The following DLGAP1 variants were observed in gnomAD, a reference collection of about 807,000 sequenced individuals.
DLGAP1 encodes the protein DLG associated protein 1, also known as disks large-associated protein 1.
Under a neutral mutation model 90.8 loss-of-function variants are expected in DLGAP1, and 11 were observed. The observed-to-expected ratio is 0.12, with a 90% CI of 0.08 to 0.20. The LOEUF (loss-of-function observed/expected upper bound fraction) is 0.20, where lower values mean the gene tolerates loss of function less well. DLGAP1 is among the 10% of genes least tolerant of loss of function. The pLI is 1.00. For missense variants in DLGAP1, 1,050 were observed against 1,333.8 expected (o/e 0.79, Z 3.31); for synonymous variants, 558 against 540.7 (o/e 1.03, Z -0.44).
At chr18:3,575,104 A>T (rs75383718) in intron 8 of DLGAP1, among the ~76,000 whole-genome samples, 1 of 152,122 alleles carries the variant, frequency 6.6e-6, no homozygotes, top group Non-Finnish European at 1.5e-5. Flanking sequence ...GTGAGCCACC[A>T]TGCATGGGCC....
intron 1 of DLGAP1, among the ~76,000 whole-genome samples, chr18:4,253,062 C>T (rs117305104): frequency 9.2e-4 from 140 of 152,288 alleles, no homozygotes; most frequent in African/African-American, 2.7e-3. Flanking sequence ...CTGCAGTATG[C>T]GGTGTTACGT....
intron 7 of DLGAP1, among the ~76,000 whole-genome samples, chr18:3,627,785 C>A (rs1347363323): frequency 6.6e-6 from 1 of 152,026 alleles, no homozygotes; most frequent in African/African-American, 2.4e-5. Flanking sequence ...CTTAACCTCC[C>A]AAGTAGCTGG....
At chr18:4,311,692 C>A (rs1375938161) in intron 1 of DLGAP1, among the ~76,000 whole-genome samples, 1 of 152,040 alleles carries the variant, frequency 6.6e-6, no homozygotes, top group Non-Finnish European at 1.5e-5. Flanking sequence ...TAGATATGTG[C>A]TCCTCTAGAT....
intron 2 of DLGAP1, among the ~76,000 whole-genome samples, chr18:4,108,422 T>G (rs1186387155): frequency 6.6e-6 from 1 of 152,158 alleles, no homozygotes; most frequent in Non-Finnish European, 1.5e-5. Flanking sequence ...TTATATTAAA[T>G]AAGTCTGTAT....
At chr18:4,245,579 C>T (rs1213074875) in intron 1 of DLGAP1, among the ~76,000 whole-genome samples, 1 of 152,160 alleles carries the variant, frequency 6.6e-6, no homozygotes, top group Non-Finnish European at 1.5e-5. Context: ...CCTAGACTTT[C>T]AAATGAGCAG....
rs2049764743 is a variant in DLGAP1 at position 3,498,406 on chromosome 18, C to T, written c.*779G>A. 6.6e-6 allele frequency: 1 copy of T among 152,226 alleles called. No individual in the cohort carries two copies. Among genetic ancestry groups the T allele is most frequent in the African/African-American group, 2.4e-5 (1 of 41,454 alleles). The allele number at this position is 152,226 out of a possible 1,614,324, so 9.4% of individuals were successfully genotyped here. A position where few individuals can be genotyped will look rare whatever the true frequency, so the allele number is the denominator to read the frequency against. On this transcript the variant is annotated 3_prime_UTR_variant, in exon 13 of 13. Transcript: ENST00000315677. ...CATCAGTGCCTCCTTTGCCTTGCTT[C>T]ATGTTATTGCCTTTCAGAATAGATT...
chr18:3,907,098 G>A (rs547625527), intron 3 of DLGAP1, among the ~76,000 whole-genome samples: 7 of 152,112 alleles, frequency 4.6e-5, no homozygotes, highest in Non-Finnish European at 8.8e-5. Context: ...AATACTATAC[G>A]ATTTTATATT....
At chr18:4,389,123 G>A (rs528474809) in intron 1 of DLGAP1, among the ~76,000 whole-genome samples, 6 of 152,098 alleles carry the variant, frequency 3.9e-5, no homozygotes, top group Non-Finnish European at 8.8e-5. Flanking sequence ...GATCATTGAT[G>A]GATGAATGGA....
rs989286904 is a variant in DLGAP1, at chr18:3,526,787, A to T, written c.2479+7407T>A. 1.3e-5 allele frequency among the ~76,000 whole-genome samples: 2 copies of T among 152,210 alleles called. No individual in the cohort carries two copies. Among genetic ancestry groups the T allele is most frequent in the Admixed American group, 1.3e-4 (2 of 15,278 alleles). On this transcript the variant is annotated intron_variant, in intron 10 of 12. Coordinates refer to ENST00000315677, the MANE Select transcript of DLGAP1 (RefSeq NM_004746.4). The surrounding 1 kb of genome is among the most constrained non-coding windows in gnomAD (Gnocchi z 4.7). Reference sequence around the variant, plus strand: ...TCCCCGGTTAGATAATACCAGACGTATCTATGTAACATACAAGCCACTGTC... The same window carrying T: ...TCCCCGGTTAGATAATACCAGACGTTTCTATGTAACATACAAGCCACTGTC...
In DLGAP1 at chr18:3,499,114, G is replaced by T; in HGVS notation, c.*71C>A. 1 of 1,362,886 alleles carries T rather than the reference G, an allele frequency of 7.3e-7. No individual in the cohort carries two copies. Among genetic ancestry groups the T allele is most frequent in the Non-Finnish European group, 9.7e-7 (1 of 1,033,334 alleles). The allele number at this position is 1,362,886 out of a possible 1,614,324, so 84.4% of individuals were successfully genotyped here. A position where few individuals can be genotyped will look rare whatever the true frequency, so the allele number is the denominator to read the frequency against. ...AGCGGACGGGCTCGGAGGGGGAGAGGCAGCCGGCAGAGGAGCGGCCGGGGG... is the reference window on the plus strand; with the variant it reads ...AGCGGACGGGCTCGGAGGGGGAGAGTCAGCCGGCAGAGGAGCGGCCGGGGG... On this transcript the variant is annotated 3_prime_UTR_variant, in exon 13 of 13. Transcript: ENST00000315677. This position sits in a 1 kb window ranked among gnomAD's most constrained non-coding sequence, Gnocchi z 6.4.
rs117175055 is a variant in DLGAP1, at chr18:3,944,073, C to T, written c.-73+61043G>A. ...TAATGGCAGCTCTAAGAAATGATTC[C>T]AGTCTCTCGTGCACATTTCATCACT... On this transcript the variant is annotated intron_variant, in intron 3 of 12. Coordinates refer to ENST00000315677, the MANE Select transcript of DLGAP1 (RefSeq NM_004746.4). Among the ~76,000 whole-genome samples, 17 of 152,306 alleles carry T rather than the reference C, an allele frequency of 1.1e-4. No homozygotes were observed. In the East Asian group the frequency reaches 3.3e-3, roughly 29 times the overall value.
chr18:4,106,268 C>G (rs1488234917), intron 2 of DLGAP1, among the ~76,000 whole-genome samples: 1 of 152,012 alleles, frequency 6.6e-6, no homozygotes, highest in African/African-American at 2.4e-5. Flanking sequence ...CACAGAAGCC[C>G]GGGTTCTAGT....
At chr18:4,039,098 A>G (rs1163127968) in intron 2 of DLGAP1, among the ~76,000 whole-genome samples, 1 of 152,228 alleles carries the variant, frequency 6.6e-6, no homozygotes, top group African/African-American at 2.4e-5. Context: ...CAACCTCGAA[A>G]ACAAGAAAGA....
chr18:4,014,051 C>A (rs1163047348), intron 2 of DLGAP1: 1 of 136,154 alleles, frequency 7.3e-6, no homozygotes, highest in East Asian at 2.2e-4. Flanking sequence ...CATGTTTGTT[C>A]TTTTATTTGT....
At chr18:3,840,829 GA>G (rs771485251) in intron 4 of DLGAP1, among the ~76,000 whole-genome samples, 7 of 152,204 alleles carry the variant, frequency 4.6e-5, no homozygotes, top group Non-Finnish European at 8.8e-5. Context: ...AGAAGTGGTA[GA>G]AAGAGCATTC....
chr18:3,628,955 T>C (rs1254677834), intron 7 of DLGAP1, among the ~76,000 whole-genome samples: 1 of 152,224 alleles, frequency 6.6e-6, no homozygotes, highest in East Asian at 1.9e-4. Context: ...CTGTCCTGTA[T>C]TTGGCACACA....
chr18:3,858,580 C>T (rs1360425357), intron 4 of DLGAP1, among the ~76,000 whole-genome samples: 2 of 150,962 alleles, frequency 1.3e-5, no homozygotes, highest in East Asian at 2.0e-4. Context: ...TGCAAATGTG[C>T]AAGATGTATG....
At chr18:3,826,110 C>T (rs553926297) in intron 4 of DLGAP1, among the ~76,000 whole-genome samples, 1 of 152,196 alleles carries the variant, frequency 6.6e-6, no homozygotes, top group South Asian at 2.1e-4. Context: ...CAACAGTAGA[C>T]ACTGAGGACT....
At chr18:4,096,317 G>T (rs561822044) in intron 2 of DLGAP1, among the ~76,000 whole-genome samples, 1 of 152,102 alleles carries the variant, frequency 6.6e-6, no homozygotes, top group African/African-American at 2.4e-5. Flanking sequence ...GAGCCACTGC[G>T]CCTGGCCAGA....
Sources: allele counts gnomAD v4.1 joint callset (sites outside exome capture counted in the v4.1 genomes callset), GRCh38; gene constraint gnomAD v4.1.1; non-coding constraint Gnocchi (gnomAD v3.1); transcripts MANE v1.5; gene names NCBI Gene and HGNC (gene_info 2026-07-23, HGNC 2026-07-21).